SLC38A4: variants seen among roughly 807,000 people sequenced by gnomAD.
SLC38A4 encodes the protein solute carrier family 38 member 4.
Under a neutral mutation model 63.1 loss-of-function variants are expected in SLC38A4, and 20 were observed. That is an observed-to-expected ratio of 0.32 (90% CI 0.22 to 0.46). The LOEUF is 0.46. Ranked by LOEUF, SLC38A4 falls within the 20% of genes least tolerant of loss-of-function variation. The pLI is 1.00. For missense variants in SLC38A4, 526 were observed against 663.6 expected (o/e 0.79, Z 2.28); for synonymous variants, 230 against 225.5 (o/e 1.02, Z -0.18).
At chr12:46,795,988 A>T (rs1454584353) in intron 2 of SLC38A4, among the ~76,000 whole-genome samples, 2 of 152,084 alleles carry the variant, frequency 1.3e-5, no homozygotes, top group East Asian at 1.9e-4. Flanking sequence ...TCTACTATTT[A>T]AAAAAACTAT....
chr12:46,820,061 ATACT>A (rs1168328886), intron 1 of SLC38A4, among the ~76,000 whole-genome samples: 5 of 151,992 alleles, frequency 3.3e-5, no homozygotes, highest in South Asian at 2.1e-4. Context: ...CAAATTATAC[ATACT>A]TAATGTATAC....
At chr12:46,773,782 A>T (rs1938468025) in intron 14 of SLC38A4, among the ~76,000 whole-genome samples, 1 of 152,076 alleles carries the variant, frequency 6.6e-6, no homozygotes, top group Admixed American at 6.6e-5. Context: ...CCTTAAAACC[A>T]TGGCTTGAAA....
At chr12:46,811,462 G>T (rs1939338638) in intron 1 of SLC38A4, among the ~76,000 whole-genome samples, 1 of 151,948 alleles carries the variant, frequency 6.6e-6, no homozygotes, top group Admixed American at 6.6e-5. Context: ...AAGGCAAGGA[G>T]GCAAGAAGCA....
In SLC38A4 at chr12:46,769,425, G is replaced by A. The variant is rs756517058; in HGVS notation, c.1303C>T (p.Arg435Cys). 3.1e-6 allele frequency: 5 copies of A among 1,610,544 alleles called. No individual in the cohort carries two copies. The highest frequency in any genetic ancestry group is 3.4e-6 in the Non-Finnish European group (4 of 1,177,688). The change falls in exon 15 of 17, where the codon CGT (arginine) becomes TGT (cysteine). Residue 435 changes from arginine to cysteine, a missense_variant. Coordinates refer to ENST00000266579, the MANE Select transcript of SLC38A4 (RefSeq NM_018018.5). Reference protein sequence around the residue: ...LTVPIVLFPIRTSVITLLFPK... With the variant: ...LTVPIVLFPICTSVITLLFPK... Reference sequence around the variant, plus strand: ...AATAACAGTGTGATCACTGATGTACGAATCTTAAACAAGAAAGTTCAAAGG... The same window carrying A: ...AATAACAGTGTGATCACTGATGTACAAATCTTAAACAAGAAAGTTCAAAGG...
intron 16 of SLC38A4, 55 bp from the exon 17 acceptor site, chr12:46,766,857 GT>G: frequency 7.9e-7 from 1 of 1,270,658 alleles, no homozygotes; most frequent in Non-Finnish European, 1.1e-6. Flanking sequence ...AGTACAATTT[GT>G]TTTTTAGTTG....
chr12:46,770,034 C>G (rs180404), intron 14 of SLC38A4, among the ~76,000 whole-genome samples: 141,591 of 152,216 alleles, frequency 0.93, 66,250 homozygotes, highest in Non-Finnish European at 0.98. Flanking sequence ...TTTCCTTGGC[C>G]TATTTTATAA....
chr12:46,825,762 T>A (rs1022863979), intron 1 of SLC38A4, 141 bp downstream of exon 1: 53 of 152,330 alleles, frequency 3.5e-4, no homozygotes, highest in African/African-American at 1.2e-3. Context: ...TGCCACAGCC[T>A]CTCTTCTTAA....
chr12:46,805,717 A>G (rs1170380430), intron 1 of SLC38A4, among the ~76,000 whole-genome samples: 2 of 152,098 alleles, frequency 1.3e-5, no homozygotes, highest in African/African-American at 4.8e-5. Flanking sequence ...AGAAAGAGCT[A>G]ATCATCAGAA....
intron 1 of SLC38A4, among the ~76,000 whole-genome samples, chr12:46,823,989 T>C (rs1592199730): frequency 6.6e-6 from 1 of 152,192 alleles, no homozygotes; most frequent in Non-Finnish European, 1.5e-5. Context: ...GTGAAAGTAG[T>C]GTAACACTGA....
chr12:46,809,723 G>C (rs942727076), intron 1 of SLC38A4, among the ~76,000 whole-genome samples: 3 of 152,058 alleles, frequency 2.0e-5, no homozygotes, highest in African/African-American at 7.2e-5. Flanking sequence ...ATTCAGAATA[G>C]AATGCAATTT....
chr12:46,788,676 CAT>C lies in SLC38A4; in HGVS notation c.120-60_120-59del, dbSNP rs1938816346. On this transcript the variant is annotated intron_variant, in intron 3 of 16. Transcript: ENST00000266579. The stretch of plus-strand genomic sequence containing the variant: ...AAACATCTAAATATATGCTCTGAAT[CAT>C]ATGTATGTTTCAGGTGATCTAAGTA... 2.8e-6 allele frequency: 4 copies of C among 1,442,440 alleles called. No homozygotes were observed. In the Admixed American group the frequency reaches 6.8e-5, roughly 25 times the overall value. 89.4% of individuals were successfully genotyped at this position (1,442,440 alleles called of 1,614,324 possible).
intron 16 of SLC38A4, 75 bp downstream of exon 16, chr12:46,768,235 T>C (rs1938337865): frequency 1.8e-6 from 2 of 1,082,964 alleles, no homozygotes; most frequent in African/African-American, 3.2e-5. Context: ...TTTTCTGAAC[T>C]ATGTGTATTT....
chr12:46,788,694 G>A lies in SLC38A4; in HGVS notation c.120-76C>T, dbSNP rs1476109939. 1.0e-5 allele frequency: 13 copies of A among 1,299,846 alleles called. No individual in the cohort carries two copies. The Admixed American group carries it at 2.1e-4, about 21-fold the overall frequency. The allele number at this position is 1,299,846 out of a possible 1,614,324, so 80.5% of individuals were successfully genotyped here. A position where few individuals can be genotyped will look rare whatever the true frequency, so the allele number is the denominator to read the frequency against. ...TCTGAATCATATGTATGTTTCAGGT[G>A]ATCTAAGTAACTGAATCAGAGGAGG... is the stretch of plus-strand genomic sequence containing the variant. On this transcript the variant is annotated intron_variant, in intron 3 of 16. Transcript: ENST00000266579.
At chr12:46,829,811 C>T (rs1337271255), upstream of SLC38A4, among the ~76,000 whole-genome samples, 1 of 152,198 alleles carries the variant, frequency 6.6e-6, no homozygotes, top group Non-Finnish European at 1.5e-5. Context: ...AAGAATTGTT[C>T]ATTTACGTTT....
intron 14 of SLC38A4, among the ~76,000 whole-genome samples, chr12:46,771,441 G>T (rs1938413688): frequency 6.6e-6 from 1 of 152,130 alleles, no homozygotes; most frequent in African/African-American, 2.4e-5. Flanking sequence ...GTTAGAGGCA[G>T]TCCTATATGT....
rs1034914450 is a variant in SLC38A4, at chr12:46,794,693, A to T, written c.-112-1510T>A. ...AGAAAAATACAAATAAGAAGTTAAG[A>T]GGAATGGGGAAAAAATAAGAATTAC... On this transcript the variant is annotated intron_variant, in intron 2 of 16. Transcript: ENST00000266579. Among the ~76,000 whole-genome samples the T allele has an allele frequency of 5.3e-5, 8 of 151,962 alleles. No homozygotes were observed. The South Asian group carries it at 1.7e-3, about 32-fold the overall frequency.
At position 46,784,567 on chromosome 12, in the gene SLC38A4, A is replaced by C; in HGVS notation, c.468T>G (p.Val156=). 1 of 1,612,956 alleles carries C rather than the reference A, an allele frequency of 6.2e-7. No homozygotes were observed. Residue 156 remains valine, a synonymous_variant, in exon 7 of 17, where the codon GTT becomes GTG. Coordinates refer to ENST00000266579, the MANE Select transcript of SLC38A4 (RefSeq NM_018018.5). ...CTCCAATGTTCTGCATTGTAATGGA[A>C]ACAAAAGCTCCAATTTTTCCCGGCC... ...FGWPGKIGAF[V]SITMQNIGAM...
chr12:46,793,094 T>C lies in SLC38A4; in HGVS notation c.-23A>G. The C allele has an allele frequency of 6.5e-7, 1 of 1,546,544 alleles. No homozygotes were observed. Among genetic ancestry groups the C allele is most frequent in the Non-Finnish European group, 8.9e-7 (1 of 1,119,366 alleles). ...CATTTGAGCTGTCAGCGCTTTCTTG[T>C]CCACACACAAGCCCCTTCAGTGTAA... On this transcript the variant is annotated 5_prime_UTR_variant, in exon 3 of 17. Transcript: ENST00000266579.
Position 46,768,337 on chromosome 12 carries a change from T to C in SLC38A4, c.1515A>G (p.Glu505=), listed in dbSNP as rs932360177. The C allele has an allele frequency of 6.2e-7, 1 of 1,611,288 alleles. No individual in the cohort carries two copies. The highest frequency in any genetic ancestry group is 1.3e-5 in the African/African-American group (1 of 74,810). ...CGACCTTTTGGGGTGACCTAAAAGT[T>C]TCTTTCTTGACAAGTTTAAGATAAA... is the stretch of plus-strand genomic sequence containing the variant. ...AVFYLKLVKK[E]TFRSPQKVGA... is the part of the protein sequence containing the mutation. The change falls in exon 16 of 17, where the codon GAA becomes GAG. Residue 505 remains glutamate, a synonymous_variant. Transcript: ENST00000266579.
Sources: allele counts gnomAD v4.1 joint callset (sites outside exome capture counted in the v4.1 genomes callset), GRCh38; gene constraint gnomAD v4.1.1; transcripts MANE v1.5; gene names NCBI Gene and HGNC (gene_info 2026-07-23, HGNC 2026-07-21).